RSPH14: variants seen among roughly 807,000 people sequenced by gnomAD.
RSPH14 encodes the protein radial spoke head 14 homolog, also known as rhabdoid tumor deletion region gene 1.
RSPH14 carries 20 observed loss-of-function variants against 26.7 expected under a neutral mutation model. The observed-to-expected ratio is 0.75, with a 90% CI of 0.53 to 1.09. The LOEUF is 1.09. Ranked by LOEUF, RSPH14 falls within the 50% of genes least tolerant of loss-of-function variation. RSPH14 has a pLI of 0.00. For missense variants in RSPH14, 449 were observed against 457.2 expected (o/e 0.98, Z 0.16); for synonymous variants, 177 against 189.3 (o/e 0.93, Z 0.53).
chr22:23,103,199 G>A, intron 4 of RSPH14, among the ~76,000 whole-genome samples: 1 of 152,192 alleles, frequency 6.6e-6, no homozygotes. Flanking sequence ...TGAGCTGTTT[G>A]ACATTATATT....
At chr22:23,081,546 C>T (rs2068678152) in intron 4 of RSPH14, among the ~76,000 whole-genome samples, 1 of 151,770 alleles carries the variant, frequency 6.6e-6, no homozygotes, top group Non-Finnish European at 1.5e-5. Context: ...ATGTTATAGG[C>T]CAATCAGGTT....
intron 4 of RSPH14, chr22:23,095,692 G>A: frequency 6.2e-7 from 1 of 1,601,376 alleles, no homozygotes; most frequent in Non-Finnish European, 8.5e-7. Flanking sequence ...GCTGCTGCCA[G>A]ACCATGGGAT....
At chr22:23,158,056 T>C in the RSPH14 span, 2 of 1,613,888 alleles carry the variant, frequency 1.2e-6, no homozygotes, top group Non-Finnish European at 1.7e-6. Context: ...AAGTCTGGGC[T>C]CTCTGGCCCC....
At chr22:23,130,534 G>GAAAGAAAGAA (rs2070340495) in intron 4 of RSPH14, among the ~76,000 whole-genome samples, 3 of 139,268 alleles carry the variant, frequency 2.2e-5, no homozygotes, top group African/African-American at 7.9e-5. Context: ...GAAAGAAAGA[G>GAAAGAAAGAA]AAAGAAGGAA....
chr22:23,065,533 G>GAA (rs2068189096), intron 4 of RSPH14, among the ~76,000 whole-genome samples: 2 of 7,204 alleles, frequency 2.8e-4, no homozygotes, highest in Non-Finnish European at 5.1e-4. Context: ...TGCACAGATT[G>GAA]CAAAAAAAAA....
the RSPH14 span, among the ~76,000 whole-genome samples, chr22:23,178,342 GGAGGCAGAGGTTGCGGT>G: frequency 6.6e-6 from 1 of 151,938 alleles, no homozygotes; most frequent in African/African-American, 2.4e-5. Context: ...CTTGAACCCA[GGAGGCAGAGGTTGCGGT>G]GAGCAGAGAT....
At chr22:23,111,868 G>A (rs911861363) in intron 4 of RSPH14, among the ~76,000 whole-genome samples, 1 of 152,214 alleles carries the variant, frequency 6.6e-6, no homozygotes, top group African/African-American at 2.4e-5. Context: ...GCAGTGGGCT[G>A]TCTGAAACCA....
chr22:23,131,818 G>T (rs1307844318), intron 4 of RSPH14: 2 of 444,268 alleles, frequency 4.5e-6, no homozygotes, highest in African/African-American at 2.0e-5. Flanking sequence ...TGTGTGCAGG[G>T]CCCCACCCCC....
chr22:23,164,663 G>T, the RSPH14 span, among the ~76,000 whole-genome samples: 6 of 152,186 alleles, frequency 3.9e-5, no homozygotes, highest in African/African-American at 1.4e-4. Context: ...CTGCAGCCAA[G>T]GTGCGGCAAT....
chr22:23,147,498 T>C (rs9612244), upstream of RSPH14, among the ~76,000 whole-genome samples: 1 of 151,880 alleles, frequency 6.6e-6, no homozygotes, highest in Admixed American at 6.6e-5. Context: ...GCCTGGCTAA[T>C]TTTTAATTTT....
At chr22:23,079,685 G>A (rs546112228) in intron 4 of RSPH14, among the ~76,000 whole-genome samples, 25 of 152,224 alleles carry the variant, frequency 1.6e-4, no homozygotes, top group Non-Finnish European at 2.5e-4. Flanking sequence ...CAAGACCAGA[G>A]AAGTCATACT....
chr22:23,086,610 A>G (rs926164382), intron 4 of RSPH14, among the ~76,000 whole-genome samples: 1 of 152,176 alleles, frequency 6.6e-6, no homozygotes, highest in Non-Finnish European at 1.5e-5. Context: ...CACCATGCCC[A>G]GCTTCCCTGA....
chr22:23,156,021 G>T, the RSPH14 span: 1 of 1,612,050 alleles, frequency 6.2e-7, no homozygotes, highest in African/African-American at 1.3e-5. Context: ...GCCTACTACC[G>T]GGGTGCCCAG....
At chr22:23,080,887 C>G (rs546563568) in intron 4 of RSPH14, among the ~76,000 whole-genome samples, 1 of 152,260 alleles carries the variant, frequency 6.6e-6, no homozygotes, top group Non-Finnish European at 1.5e-5. Flanking sequence ...TCCCTTCTCA[C>G]TGTAAAGCAT....
upstream of RSPH14, chr22:23,142,073 AC>A (rs2070615894): frequency 4.1e-6 from 4 of 982,198 alleles, no homozygotes; most frequent in Non-Finnish European, 4.8e-6. Context: ...CATAATCAGC[AC>A]CCACTGCGCA....
At chr22:23,078,107 G>A (rs552492509) in intron 4 of RSPH14, among the ~76,000 whole-genome samples, 1 of 152,192 alleles carries the variant, frequency 6.6e-6, no homozygotes, top group African/African-American at 2.4e-5. Context: ...TGGTGAGGGC[G>A]GGTGCGGGTG....
the RSPH14 span, among the ~76,000 whole-genome samples, chr22:23,173,892 T>C: frequency 6.6e-6 from 1 of 151,968 alleles, no homozygotes; most frequent in Non-Finnish European, 1.5e-5. Context: ...ATATTTTTAG[T>C]AGAGACAGGG....
At chr22:23,135,990 T>G (rs1443519700) in intron 3 of RSPH14, 1 of 168,496 alleles carries the variant, frequency 5.9e-6, no homozygotes, top group Non-Finnish European at 1.3e-5. Flanking sequence ...AAAATAAATT[T>G]TATTTATTTT....
intron 4 of RSPH14, among the ~76,000 whole-genome samples, chr22:23,068,211 A>G (rs59774584): frequency 0.023 from 3,521 of 151,520 alleles, 146 homozygotes; most frequent in African/African-American, 0.081. Flanking sequence ...CTTCCCTCCC[A>G]CCCTATGTCA....
Sources: gnomAD v4.1 joint callset for allele counts (sites outside exome capture counted in the v4.1 genomes callset) on GRCh38, gnomAD v4.1.1 for gene constraint, MANE v1.5 for transcripts, NCBI Gene and HGNC (gene_info 2026-07-23, HGNC 2026-07-21) for gene names.